The following PCDH15 variants were observed in gnomAD, a reference collection of about 807,000 sequenced individuals.
The protein encoded by PCDH15 is protocadherin related 15.
In PCDH15, 129 loss-of-function variants were observed where a neutral mutation model predicts 178.5. The ratio of observed to expected loss-of-function variants is 0.72; its 90% CI spans 0.63 to 0.84. PCDH15 has a LOEUF of 0.84. PCDH15 is among the 40% of genes least tolerant of loss of function. The probability of loss-of-function intolerance (pLI) is 0.00; values close to 1 mark genes in which losing one functional copy is unlikely to be tolerated. For synonymous variants in PCDH15, 800 were observed against 732.0 expected, an observed-to-expected ratio of 1.09 and a Z score of -1.50; for missense variants, 2,230 against 2,099.9, an observed-to-expected ratio of 1.06 and a Z score of -1.21.
chr10:53,848,023 G>A (rs2132879333), intron 28 of PCDH15, among the ~76,000 whole-genome samples: 1 of 152,022 alleles, frequency 6.6e-6, no homozygotes, highest in Admixed American at 6.5e-5. Flanking sequence ...AACATTTTGT[G>A]GAGTTTATGT....
chr10:55,023,980 GATAT>G, intron 2 of PCDH15, among the ~76,000 whole-genome samples: 1 of 147,562 alleles, frequency 6.8e-6, no homozygotes, highest in Non-Finnish European at 1.5e-5. Flanking sequence ...TTATATATAT[GATAT>G]ATATCTGTCT....
intron 11 of PCDH15, among the ~76,000 whole-genome samples, chr10:54,189,082 A>G (rs2048733294): frequency 6.6e-6 from 1 of 152,034 alleles, no homozygotes; most frequent in Non-Finnish European, 1.5e-5. Context: ...ATAATTAAGC[A>G]GTCTTTGCCT....
intron 2 of PCDH15, among the ~76,000 whole-genome samples, chr10:55,551,664 G>A (rs919152775): frequency 2.0e-5 from 3 of 151,668 alleles, no homozygotes; most frequent in African/African-American, 7.3e-5. Context: ...TATGAATAGA[G>A]GAAGGACTCT....
At chr10:54,650,653 G>A (rs113403950) in intron 2 of PCDH15, among the ~76,000 whole-genome samples, 2,459 of 152,132 alleles carry the variant, frequency 0.016, 62 homozygotes, top group African/African-American at 0.056. Context: ...ATGGACTTAC[G>A]GTTCCACATG....
At chr10:54,679,995 G>C (rs1591012255) in intron 1 of PCDH15, among the ~76,000 whole-genome samples, 1 of 152,266 alleles carries the variant, frequency 6.6e-6, no homozygotes, top group East Asian at 1.9e-4. Context: ...TAACATATGT[G>C]TATTAGACTG....
At chr10:54,871,696 A>T (rs1954044404) in intron 3 of PCDH15, among the ~76,000 whole-genome samples, 1 of 152,100 alleles carries the variant, frequency 6.6e-6, no homozygotes, top group African/African-American at 2.4e-5. Context: ...AATCAACATT[A>T]CACTAATCAG....
chr10:54,657,017 A>G (rs921877246), intron 2 of PCDH15, among the ~76,000 whole-genome samples: 1 of 152,106 alleles, frequency 6.6e-6, no homozygotes, highest in African/African-American at 2.4e-5. Context: ...GAAGAGTAAG[A>G]CCCATCTCTC....
rs2095440245 is a variant in PCDH15 at position 54,712,848 on chromosome 10, A to C, written c.-28-48558T>G. ...TCATGTCCTAAATTTTAATTATCAT[A>C]ATAATTTTAAACAGATGGATAGTTT... On this transcript the variant is annotated intron_variant, in intron 1 of 37. Transcript: ENST00000644397. Among the ~76,000 whole-genome samples the C allele has an allele frequency of 2.6e-5, 4 of 152,042 alleles. No homozygotes were observed. The South Asian group carries it at 8.3e-4, about 31-fold the overall frequency.
At chr10:55,335,641 G>A (rs1844365708) in intron 2 of PCDH15, among the ~76,000 whole-genome samples, 1 of 152,056 alleles carries the variant, frequency 6.6e-6, no homozygotes, top group South Asian at 2.1e-4. Flanking sequence ...TGGAAAGACT[G>A]GAGAGATCAG....
chr10:54,916,099 G>A (rs1359645554), intron 2 of PCDH15, among the ~76,000 whole-genome samples: 1 of 151,890 alleles, frequency 6.6e-6, no homozygotes, highest in Non-Finnish European at 1.5e-5. Context: ...TTACAGGCAA[G>A]TAGCTCAGCT....
At chr10:54,999,896 C>G (rs950827075) in intron 2 of PCDH15, among the ~76,000 whole-genome samples, 1 of 152,090 alleles carries the variant, frequency 6.6e-6, no homozygotes, top group South Asian at 2.1e-4. Context: ...AGCTGTAAAA[C>G]CAGCAAGTTT....
intron 2 of PCDH15, among the ~76,000 whole-genome samples, chr10:55,478,409 A>G (rs1244523183): frequency 6.6e-6 from 1 of 151,798 alleles, no homozygotes; most frequent in Admixed American, 6.6e-5. Context: ...TGGGTCAATC[A>G]ATAAATTTTA....
At chr10:54,092,002 G>A (rs1314833166) in intron 15 of PCDH15, among the ~76,000 whole-genome samples, 1 of 151,924 alleles carries the variant, frequency 6.6e-6, no homozygotes, top group Non-Finnish European at 1.5e-5. Context: ...ATAATAATAA[G>A]CCTCCCCAAT....
intron 13 of PCDH15, among the ~76,000 whole-genome samples, chr10:54,160,806 C>T (rs921408896): frequency 3.9e-5 from 6 of 152,072 alleles, no homozygotes; most frequent in Non-Finnish European, 8.8e-5. Context: ...ATGGAAGTAT[C>T]TCAAATTAAT....
intron 2 of PCDH15, among the ~76,000 whole-genome samples, chr10:54,980,565 C>CATA (rs1839206509): frequency 6.6e-6 from 1 of 152,068 alleles, no homozygotes; most frequent in African/African-American, 2.4e-5. Flanking sequence ...TAACTATACA[C>CATA]CCTAGATTTT....
intron 1 of PCDH15, among the ~76,000 whole-genome samples, chr10:55,195,856 C>A (rs1047335830): frequency 9.9e-5 from 15 of 151,710 alleles, no homozygotes; most frequent in African/African-American, 3.6e-4. Context: ...ACTTGAAATC[C>A]CACTGTTTAT....
chr10:55,610,928 C>A (rs1158885197), intron 2 of PCDH15, among the ~76,000 whole-genome samples: 1 of 151,988 alleles, frequency 6.6e-6, no homozygotes, highest in African/African-American at 2.4e-5. Context: ...TACCTAAGCA[C>A]TTCATGCAAG....
At chr10:54,250,229 A>C (rs1208648995) in intron 8 of PCDH15, among the ~76,000 whole-genome samples, 1 of 151,138 alleles carries the variant, frequency 6.6e-6, no homozygotes, top group Non-Finnish European at 1.5e-5. Flanking sequence ...ATCTCATTGC[A>C]AAACTCAATG....
chr10:54,520,963 C>G (rs1169404791), intron 3 of PCDH15, among the ~76,000 whole-genome samples: 2 of 148,792 alleles, frequency 1.3e-5, no homozygotes, highest in East Asian at 2.0e-4. Flanking sequence ...ATCGCAAGGA[C>G]AAAAAAACAA....
Sources: gnomAD v4.1 joint callset for allele counts (sites outside exome capture counted in the v4.1 genomes callset) on GRCh38, gnomAD v4.1.1 for gene constraint, MANE v1.5 for transcripts, NCBI Gene and HGNC (gene_info 2026-07-23, HGNC 2026-07-21) for gene names.